PCDHB9: variants seen among roughly 807,000 people sequenced by gnomAD.
The protein encoded by PCDHB9 is protocadherin beta 9.
For missense variants in PCDHB9, 1,072 were observed against 995.1 expected (o/e 1.08, Z -1.04); for synonymous variants, 501 against 439.7 (o/e 1.14, Z -1.75).
chr5:141,188,401 T>A lies in PCDHB9; in HGVS notation c.1083T>A (p.Pro361=), dbSNP rs781924829. 7.4e-6 allele frequency: 12 copies of A among 1,613,996 alleles called. No homozygotes were observed. The highest frequency in any genetic ancestry group is 1.0e-5 in the Non-Finnish European group (12 of 1,179,976). The change falls in exon 1 of 1, where the codon CCT becomes CCA. Residue 361 remains proline (P), a synonymous_variant. Transcript: ENST00000316105. ...CCAACTCTGTTGCTGAAAACTCTCC[T>A]GGGATAGTATTGGCTGTTTTTAAGA... The part of the protein sequence containing the change: ...SLSNSVAENS[P]GIVLAVFKIK...
rs781996213 is a variant in PCDHB9, at chr5:141,189,708, A to G, written c.2390A>G (p.Tyr797Cys). ...CTCCCCAATAGCTTTGGATTTAATT[A>G]TTGAAAGGAACCCACTTAATAAAGA... Reference protein sequence around the residue: ...STLPNSFGFNY With the variant: ...STLPNSFGFNC Residue 797 changes from tyrosine (Y) to cysteine (C), a missense_variant, in exon 1 of 1, where the codon TAT becomes TGT. Physicochemically the swap from Tyr to Cys is radical, Grantham distance 194. Transcript: ENST00000316105. The G allele has an allele frequency of 3.8e-6, 6 of 1,574,356 alleles. No individual in the cohort carries two copies. In the East Asian group the frequency reaches 9.0e-5, roughly 24 times the overall value.
At position 141,189,179 on chromosome 5, in the gene PCDHB9, A is replaced by T. The variant is rs1753827418; in HGVS notation, c.1861A>T (p.Asn621Tyr). 6.2e-7 allele frequency: 1 copy of T among 1,602,350 alleles called. No homozygotes were observed. The highest frequency in any genetic ancestry group is 1.3e-5 in the African/African-American group (1 of 74,746). The change falls in exon 1 of 1, where the codon AAT (asparagine) becomes TAT (tyrosine). Residue 621 changes from asparagine (N) to tyrosine (Y), a missense_variant. Coordinates refer to ENST00000316105, the MANE Select transcript of PCDHB9 (RefSeq NM_019119.5). ...CGGGCTGTTCGGTGTGTGGGCGCAC[A>T]ATGGGGAGGTGCGCACCGCCAGGCT... ...EPGLFGVWAH[N>Y]GEVRTARLLS...
Position 141,190,105 on chromosome 5 carries a change from A to G in PCDHB9, c.*393A>G, listed in dbSNP as rs1276826088. 1 of 156,462 alleles carries G rather than the reference A, an allele frequency of 6.4e-6. No individual in the cohort carries two copies. The highest frequency in any genetic ancestry group is 1.4e-5 in the Non-Finnish European group (1 of 72,236). The allele number at this position is 156,462 out of a possible 1,614,324, so 9.7% of individuals were successfully genotyped here. On this transcript the variant is annotated 3_prime_UTR_variant, in exon 1 of 1. Coordinates refer to ENST00000316105, the MANE Select transcript of PCDHB9 (RefSeq NM_019119.5). ...ATATTTCTTCTATTTTTCTTTTGAA[A>G]CCGGTGTTCTTATTGGTTTGCCATC...
rs1554283124 is a variant in PCDHB9 at position 141,188,795 on chromosome 5, C to T, written c.1477C>T (p.Pro493Ser). The T allele has an allele frequency of 1.9e-6, 3 of 1,612,950 alleles. No individual in the cohort carries two copies. The highest frequency in any genetic ancestry group is 1.7e-6 in the Non-Finnish European group (2 of 1,180,034). ...CCAGGTCACCTACTCGCTGCTGCCG[C>T]CCCAGGACCCACACCTGCCCCTCGC... ...NAQVTYSLLP[P>S]QDPHLPLASL... Residue 493 changes from proline (P) to serine (S), a missense_variant, in exon 1 of 1, where the codon CCC becomes TCC. By Grantham distance (74) the Pro-to-Ser change is moderately conservative. Transcript: ENST00000316105.
Position 141,187,679 on chromosome 5 carries a change from C to T in PCDHB9, c.361C>T (p.Leu121=). The change falls in exon 1 of 1, where the codon CTG becomes TTG. Residue 121 remains leucine (L), a synonymous_variant. Coordinates refer to ENST00000316105, the MANE Select transcript of PCDHB9 (RefSeq NM_019119.5). ...DDPFQIYRAE[L]RVRDINDHSP... is the part of the protein sequence containing the mutation. ...TCCCTTTCAGATTTACCGGGCTGAG[C>T]TGAGAGTCAGGGATATAAATGATCA... is the stretch of plus-strand genomic sequence containing the variant. 6.2e-7 allele frequency: 1 copy of T among 1,613,958 alleles called. No homozygotes were observed. Among genetic ancestry groups the T allele is most frequent in the Non-Finnish European group, 8.5e-7 (1 of 1,180,000 alleles).
rs1401544118 is a variant in PCDHB9 at position 141,191,319 on chromosome 5, A to C, written c.*1607A>C. 2 of 152,150 alleles carry C rather than the reference A, an allele frequency of 1.3e-5. No homozygotes were observed. Among genetic ancestry groups the C allele is most frequent in the African/African-American group, 4.8e-5 (2 of 41,410 alleles). 9.4% of individuals were successfully genotyped at this position (152,150 alleles called of 1,614,324 possible). A position where few individuals can be genotyped will look rare whatever the true frequency, so the allele number is the denominator to read the frequency against. ...TTTGAATAAAATTCTATGAAAAAAGACACTAGAATGCTGTTCTTAATTTTA... is the reference window on the plus strand; with the variant it reads ...TTTGAATAAAATTCTATGAAAAAAGCCACTAGAATGCTGTTCTTAATTTTA... On this transcript the variant is annotated 3_prime_UTR_variant, in exon 1 of 1. Transcript: ENST00000316105.
chr5:141,187,678 G>A lies in PCDHB9; in HGVS notation c.360G>A (p.Glu120=), dbSNP rs1212682786. ...MDDPFQIYRA[E]LRVRDINDHS... ...ATCCCTTTCAGATTTACCGGGCTGAGCTGAGAGTCAGGGATATAAATGATC... is the reference window on the plus strand; with the variant it reads ...ATCCCTTTCAGATTTACCGGGCTGAACTGAGAGTCAGGGATATAAATGATC... The change falls in exon 1 of 1, where the codon GAG becomes GAA. Residue 120 remains glutamate, a synonymous_variant. Transcript: ENST00000316105. 3.1e-6 allele frequency: 5 copies of A among 1,613,962 alleles called. No individual in the cohort carries two copies. The highest frequency in any genetic ancestry group is 4.2e-6 in the Non-Finnish European group (5 of 1,180,024).
rs981362577 is a variant in PCDHB9, at chr5:141,187,303, G to A, written c.-16G>A. 6.8e-6 allele frequency: 11 copies of A among 1,608,224 alleles called. No individual in the cohort carries two copies. Among genetic ancestry groups the A allele is most frequent in the Non-Finnish European group, 9.3e-6 (11 of 1,176,700 alleles). ...GGGCAGTGTGATTGAGACTGACATT[G>A]AGGAAAGAAGCAGCTATGAAGACCA... On this transcript the variant is annotated 5_prime_UTR_variant, in exon 1 of 1. Transcript: ENST00000316105.
Position 141,187,764 on chromosome 5 carries a change from G to T in PCDHB9, c.446G>T (p.Gly149Val). The change falls in exon 1 of 1, where the codon GGG (glycine) becomes GTG (valine). Residue 149 changes from glycine to valine, a missense_variant. Physicochemically the swap from Gly to Val is moderately radical, Grantham distance 109 (BLOSUM62 -3). Transcript: ENST00000316105. Reference sequence around the variant, plus strand: ...AAAATATCAGAAAATACAGCTGAAGGGACAGCATTTAGACTAGAAAGAGCA... The same window carrying T: ...AAAATATCAGAAAATACAGCTGAAGTGACAGCATTTAGACTAGAAAGAGCA... Reference protein sequence around the residue: ...VLKISENTAEGTAFRLERAQD... With the variant: ...VLKISENTAEVTAFRLERAQD... 6.2e-7 allele frequency: 1 copy of T among 1,614,140 alleles called. No individual in the cohort carries two copies. The highest frequency in any genetic ancestry group is 8.5e-7 in the Non-Finnish European group (1 of 1,180,034).
rs782095169 is a variant in PCDHB9 at position 141,189,340 on chromosome 5, G to T, written c.2022G>T (p.Pro674=). 1.1e-4 allele frequency: 175 copies of T among 1,611,136 alleles called. 1 individual carries two copies. The highest frequency in any genetic ancestry group is 8.0e-4 in the East Asian group (36 of 44,880). Reference sequence around the variant, plus strand: ...TCTCCCAGCCCTACCTGCCTCTCCCGGAGGCGGCCCCGGCCCAGGCCCAGG... The same window carrying T: ...TCTCCCAGCCCTACCTGCCTCTCCCTGAGGCGGCCCCGGCCCAGGCCCAGG... The part of the protein sequence containing the change: ...DGFSQPYLPL[P]EAAPAQAQAD... Residue 674 remains proline (P), a synonymous_variant, in exon 1 of 1, where the codon CCG becomes CCT. Coordinates refer to ENST00000316105, the MANE Select transcript of PCDHB9 (RefSeq NM_019119.5).
Position 141,189,969 on chromosome 5 carries a change from T to G in PCDHB9, c.*257T>G. ...AAAATTTTTGGTCGTTTTAAATGTCTTTATTGACTTTAAATTCATTGCCTC... is the reference window on the plus strand; with the variant it reads ...AAAATTTTTGGTCGTTTTAAATGTCGTTATTGACTTTAAATTCATTGCCTC... On this transcript the variant is annotated 3_prime_UTR_variant, in exon 1 of 1. Coordinates refer to ENST00000316105, the MANE Select transcript of PCDHB9 (RefSeq NM_019119.5). The G allele has an allele frequency of 2.8e-6, 1 of 351,688 alleles. No homozygotes were observed. The allele number at this position is 351,688 out of a possible 1,614,324, so 21.8% of individuals were successfully genotyped here.
At position 141,187,958 on chromosome 5, in the gene PCDHB9, G is replaced by A. The variant is rs1753779925; in HGVS notation, c.640G>A (p.Ala214Thr). ...EQEELSLTLT[A>T]LDGGSPSRSG... ...GGAAGAGCTCAGCTTAACCCTCACAGCGCTGGATGGTGGGTCTCCATCCAG... is the reference window on the plus strand; with the variant it reads ...GGAAGAGCTCAGCTTAACCCTCACAACGCTGGATGGTGGGTCTCCATCCAG... Residue 214 changes from alanine (A) to threonine (T), a missense_variant, in exon 1 of 1, where the codon GCG becomes ACG. Transcript: ENST00000316105. 2 of 1,614,012 alleles carry A rather than the reference G, an allele frequency of 1.2e-6. No homozygotes were observed. Among genetic ancestry groups the A allele is most frequent in the South Asian group, 2.2e-5 (2 of 91,086 alleles).
rs1320840104 is a variant in PCDHB9 at position 141,188,088 on chromosome 5, T to C, written c.770T>C (p.Val257Ala). Reference protein sequence around the residue: ...YETQAPENSPVGSLIVKVSAG... With the variant: ...YETQAPENSPAGSLIVKVSAG... ...ACCCAGGCTCCAGAAAACAGTCCAG[T>C]AGGGTCCCTTATTGTTAAAGTGTCT... The change falls in exon 1 of 1, where the codon GTA becomes GCA. Residue 257 changes from valine (V) to alanine (A), a missense_variant. Val to Ala is a moderately conservative substitution (Grantham distance 64). Coordinates refer to ENST00000316105, the MANE Select transcript of PCDHB9 (RefSeq NM_019119.5). 6.2e-7 allele frequency: 1 copy of C among 1,613,816 alleles called. No individual in the cohort carries two copies. Among genetic ancestry groups the C allele is most frequent in the Non-Finnish European group, 8.5e-7 (1 of 1,179,890 alleles).
rs781852767 is a variant in PCDHB9 at position 141,189,636 on chromosome 5, A to G, written c.2318A>G (p.His773Arg). Residue 773 changes from histidine (H) to arginine (R), a missense_variant, in exon 1 of 1, where the codon CAC becomes CGC. Physicochemically the swap from His to Arg is conservative, Grantham distance 29 (BLOSUM62 0). Transcript: ENST00000316105. ...AAGTTCTTGAAGCCGATTACCCCCC[A>G]CCTCCCGCCCCATAGGGGTGGGAAA... ...EFKFLKPITP[H>R]LPPHRGGKEI... 6.2e-7 allele frequency: 1 copy of G among 1,609,668 alleles called. No individual in the cohort carries two copies. Among genetic ancestry groups the G allele is most frequent in the Non-Finnish European group, 8.5e-7 (1 of 1,178,642 alleles).
chr5:141,187,998 C>T lies in PCDHB9; in HGVS notation c.680C>T (p.Thr227Ile). ...GGSPSRSGTS[T>I]IRIVVLDVND... ...TCTCCATCCAGGTCTGGGACCTCCACTATACGCATTGTGGTCTTGGATGTC... is the reference window on the plus strand; with the variant it reads ...TCTCCATCCAGGTCTGGGACCTCCATTATACGCATTGTGGTCTTGGATGTC... Residue 227 changes from threonine (T) to isoleucine (I), a missense_variant, in exon 1 of 1, where the codon ACT (threonine) becomes ATT (isoleucine). Transcript: ENST00000316105. 1 of 1,614,048 alleles carries T rather than the reference C, an allele frequency of 6.2e-7. No individual in the cohort carries two copies. Among genetic ancestry groups the T allele is most frequent in the Non-Finnish European group, 8.5e-7 (1 of 1,180,004 alleles).
Position 141,188,799 on chromosome 5 carries a change from A to G in PCDHB9, c.1481A>G (p.Gln494Arg). Residue 494 changes from glutamine (Q) to arginine (R), a missense_variant, in exon 1 of 1, where the codon CAG becomes CGG. Physicochemically the swap from Gln to Arg is conservative, Grantham distance 43 (BLOSUM62 1). Transcript: ENST00000316105. ...AQVTYSLLPP[Q>R]DPHLPLASLV... Reference sequence around the variant, plus strand: ...GTCACCTACTCGCTGCTGCCGCCCCAGGACCCACACCTGCCCCTCGCCTCC... The same window carrying G: ...GTCACCTACTCGCTGCTGCCGCCCCGGGACCCACACCTGCCCCTCGCCTCC... The G allele has an allele frequency of 6.2e-7, 1 of 1,612,948 alleles. No individual in the cohort carries two copies. Among genetic ancestry groups the G allele is most frequent in the Non-Finnish European group, 8.5e-7 (1 of 1,180,026 alleles).
chr5:141,187,578 A>G lies in PCDHB9; in HGVS notation c.260A>G (p.Asn87Ser), dbSNP rs782352561. 7 of 1,610,130 alleles carry G rather than the reference A, an allele frequency of 4.3e-6. No individual in the cohort carries two copies. The highest frequency in any genetic ancestry group is 5.9e-6 in the Non-Finnish European group (7 of 1,177,058). The stretch of plus-strand genomic sequence containing the variant: ...TCACATACCGGGAATTTGCTCACAA[A>G]TGAGAAACTGGACCGAGAGAAGCTG... ...LDSHTGNLLTNEKLDREKLCG... is the reference protein window; with the variant it reads ...LDSHTGNLLTSEKLDREKLCG... Residue 87 changes from asparagine to serine, a missense_variant, in exon 1 of 1, where the codon AAT becomes AGT. Transcript: ENST00000316105.
rs782193026 is a variant in PCDHB9 at position 141,188,805 on chromosome 5, C to T, written c.1487C>T (p.Pro496Leu). 1.1e-5 allele frequency: 17 copies of T among 1,612,856 alleles called. No individual in the cohort carries two copies. In the South Asian group the frequency reaches 1.5e-4, roughly 15 times the overall value. Reference sequence around the variant, plus strand: ...TACTCGCTGCTGCCGCCCCAGGACCCACACCTGCCCCTCGCCTCCCTGGTC... The same window carrying T: ...TACTCGCTGCTGCCGCCCCAGGACCTACACCTGCCCCTCGCCTCCCTGGTC... ...VTYSLLPPQDPHLPLASLVSI... is the reference protein window; with the variant it reads ...VTYSLLPPQDLHLPLASLVSI... Residue 496 changes from proline (P) to leucine (L), a missense_variant, in exon 1 of 1, where the codon CCA becomes CTA. Transcript: ENST00000316105.
In PCDHB9 at chr5:141,188,140, T is replaced by G; in HGVS notation, c.822T>G (p.Asn274Lys). The part of the protein sequence containing the change: ...VSAGDADSGV[N>K]AEVSYSFFDA... ...CAGGAGATGCAGACTCAGGAGTCAA[T>G]GCAGAAGTATCCTATTCATTTTTTG... The change falls in exon 1 of 1, where the codon AAT becomes AAG. Residue 274 changes from asparagine to lysine, a missense_variant. By Grantham distance (94) the Asn-to-Lys change is moderately conservative. Coordinates refer to ENST00000316105, the MANE Select transcript of PCDHB9 (RefSeq NM_019119.5). 1 of 1,612,096 alleles carries G rather than the reference T, an allele frequency of 6.2e-7. No individual in the cohort carries two copies.
Sources: gnomAD v4.1 joint callset for allele counts on GRCh38, gnomAD v4.1.1 for gene constraint, MANE v1.5 for transcripts, NCBI Gene and HGNC (gene_info 2026-07-23, HGNC 2026-07-21) for gene names.